The following HMGCLL1 variants were observed in gnomAD, a reference collection of about 807,000 sequenced individuals.
The protein encoded by HMGCLL1 is 3-hydroxymethyl-3-methylglutaryl-CoA lyase, cytoplasmic.
Under a neutral mutation model 39.1 loss-of-function variants are expected in HMGCLL1, and 36 were observed. The observed-to-expected ratio is 0.92, with a 90% CI of 0.71 to 1.22. The LOEUF (loss-of-function observed/expected upper bound fraction) is 1.22. Ranked by LOEUF, HMGCLL1 falls within the 50% of genes most tolerant of loss-of-function variation. The probability of loss-of-function intolerance (pLI) is 0.00; values close to 1 mark genes in which losing one functional copy is unlikely to be tolerated. For synonymous variants in HMGCLL1, 149 were observed against 144.0 expected, an observed-to-expected ratio of 1.03 and a Z score of -0.25; for missense variants, 451 against 416.5, an observed-to-expected ratio of 1.08 and a Z score of -0.72.
At chr6:55,455,418 C>T (rs75646206) in intron 7 of HMGCLL1, among the ~76,000 whole-genome samples, 12,422 of 151,948 alleles carry the variant, frequency 0.082, 567 homozygotes, top group African/African-American at 0.12. Context: ...CGAAATGGTG[C>T]AGTTGAAGCC....
At chr6:55,641,366 G>A in the HMGCLL1 span, among the ~76,000 whole-genome samples, 15 of 151,878 alleles carry the variant, frequency 9.9e-5, 1 homozygote, top group African/African-American at 3.4e-4. Context: ...GACCAAAAAG[G>A]TGGGCCCATT....
chr6:55,664,615 C>T, the HMGCLL1 span, among the ~76,000 whole-genome samples: 1 of 151,724 alleles, frequency 6.6e-6, no homozygotes, highest in Non-Finnish European at 1.5e-5. Flanking sequence ...ACTTTCTCAA[C>T]ACTTAGGGCC....
the HMGCLL1 span, among the ~76,000 whole-genome samples, chr6:55,604,434 CTT>C: frequency 6.6e-6 from 1 of 152,076 alleles, no homozygotes; most frequent in Non-Finnish European, 1.5e-5. Flanking sequence ...ATTGAATTAA[CTT>C]TGTGTTTCTC....
the HMGCLL1 span, among the ~76,000 whole-genome samples, chr6:55,643,053 T>G: frequency 3.3e-5 from 5 of 152,270 alleles, no homozygotes; most frequent in African/African-American, 1.2e-4. Context: ...GATGGGCAGT[T>G]AGGTTGTTTC....
At chr6:55,628,524 G>C in the HMGCLL1 span, among the ~76,000 whole-genome samples, 1 of 151,620 alleles carries the variant, frequency 6.6e-6, no homozygotes, top group Non-Finnish European at 1.5e-5. Context: ...GGCTGGTCTT[G>C]AACACCTGAT....
At chr6:55,551,439 T>C (rs1011881936) in intron 1 of HMGCLL1, among the ~76,000 whole-genome samples, 8 of 151,870 alleles carry the variant, frequency 5.3e-5, no homozygotes, top group Non-Finnish European at 8.8e-5. Context: ...TGACTTGTAA[T>C]GTAAGAGCTA....
chr6:55,622,163 T>A, the HMGCLL1 span, among the ~76,000 whole-genome samples: 1 of 152,132 alleles, frequency 6.6e-6, no homozygotes, highest in Non-Finnish European at 1.5e-5. Flanking sequence ...AGTTCTAATA[T>A]GTTTTTGGTA....
intron 4 of HMGCLL1, among the ~76,000 whole-genome samples, chr6:55,515,585 G>T (rs1767695884): frequency 6.6e-6 from 1 of 152,072 alleles, no homozygotes; most frequent in South Asian, 2.1e-4. Context: ...GCACAGAATT[G>T]CTCCAAAGTC....
the HMGCLL1 span, among the ~76,000 whole-genome samples, chr6:55,666,459 T>G: frequency 6.6e-6 from 1 of 151,784 alleles, no homozygotes; most frequent in African/African-American, 2.4e-5. Flanking sequence ...ATATTTTCTT[T>G]CCCACCCCTT....
intron 1 of HMGCLL1, among the ~76,000 whole-genome samples, chr6:55,556,705 G>A (rs113127207): frequency 6.6e-5 from 10 of 152,108 alleles, no homozygotes; most frequent in Admixed American, 3.3e-4. Flanking sequence ...CAAAAACAAG[G>A]AGACTAAAAA....
chr6:55,475,920 TC>T (rs1357296273), intron 7 of HMGCLL1, among the ~76,000 whole-genome samples: 1 of 151,722 alleles, frequency 6.6e-6, no homozygotes. Context: ...AATTTCTTTC[TC>T]AGCTCTCTTT....
chr6:55,583,451 T>C (rs1772019377), upstream of HMGCLL1, among the ~76,000 whole-genome samples: 1 of 151,826 alleles, frequency 6.6e-6, no homozygotes, highest in Non-Finnish European at 1.5e-5. Context: ...CAGTGTTTGG[T>C]TTTTTGTCCT....
intron 7 of HMGCLL1, among the ~76,000 whole-genome samples, chr6:55,463,103 T>C (rs936536077): frequency 4.0e-5 from 6 of 150,784 alleles, no homozygotes; most frequent in Non-Finnish European, 8.8e-5. Context: ...CAATCTCGGC[T>C]CACTGCAACC....
rs1766231775 is a variant in HMGCLL1, at chr6:55,490,061, A to AT, written c.795+5357dup. Among the ~76,000 whole-genome samples, 3 of 152,204 alleles carry AT rather than the reference A, an allele frequency of 2.0e-5. No homozygotes were observed. The South Asian group carries it at 6.2e-4, about 32-fold the overall frequency. ...TGGAAAGTGAAAAGCTACCAGCCATATTCTCCGTCCTGTAATCTCTCAGTT... is the reference window on the plus strand; with the variant it reads ...TGGAAAGTGAAAAGCTACCAGCCATATTTCTCCGTCCTGTAATCTCTCAGTT... On this transcript the variant is annotated intron_variant, in intron 7 of 8. Coordinates refer to ENST00000274901, the MANE Select transcript of HMGCLL1 (RefSeq NM_001042406.2).
At chr6:55,512,345 CTTTAT>C (rs1767508422) in intron 5 of HMGCLL1, 1 of 152,018 alleles carries the variant, frequency 6.6e-6, no homozygotes, top group Non-Finnish European at 1.5e-5. Flanking sequence ...TCATCTTTCT[CTTTAT>C]TTTAAAGAAA....
chr6:55,619,449 C>T, the HMGCLL1 span, among the ~76,000 whole-genome samples: 8 of 152,062 alleles, frequency 5.3e-5, no homozygotes, highest in East Asian at 1.5e-3. Context: ...AATAGTGGCA[C>T]ATGGGAGGGG....
chr6:55,601,185 A>G, the HMGCLL1 span, among the ~76,000 whole-genome samples: 1 of 152,108 alleles, frequency 6.6e-6, no homozygotes, highest in African/African-American at 2.4e-5. Flanking sequence ...GGGAATTGTG[A>G]GACTGCAGGT....
At chr6:55,549,324 A>C (rs1461033991) in intron 1 of HMGCLL1, among the ~76,000 whole-genome samples, 4 of 151,446 alleles carry the variant, frequency 2.6e-5, no homozygotes, top group Non-Finnish European at 5.9e-5. Context: ...CAGTCCCAAA[A>C]TTTATTTTGA....
intron 1 of HMGCLL1, chr6:55,577,313 G>C: frequency 9.1e-7 from 1 of 1,104,642 alleles, no homozygotes; most frequent in Non-Finnish European, 1.3e-6. Context: ...ACAAAAAGAA[G>C]CATAACTCTG....
Sources: gnomAD v4.1 joint callset for allele counts (sites outside exome capture counted in the v4.1 genomes callset) on GRCh38, gnomAD v4.1.1 for gene constraint, MANE v1.5 for transcripts, NCBI Gene and HGNC (gene_info 2026-07-23, HGNC 2026-07-21) for gene names.